Variants in DOCK2 observed in about 807,000 individuals in gnomAD.
DOCK2 encodes the protein dedicator of cytokinesis 2.
Under a neutral mutation model 248.9 loss-of-function variants are expected in DOCK2, and 87 were observed. The ratio of observed to expected loss-of-function variants is 0.35; its 90% CI spans 0.29 to 0.42. The LOEUF (loss-of-function observed/expected upper bound fraction) is 0.42, where lower values mean the gene tolerates loss of function less well. DOCK2 is among the 10% of genes least tolerant of loss of function. The pLI is 1.00. For synonymous variants in DOCK2, 805 were observed against 821.6 expected (o/e 0.98, Z 0.35); for missense variants, 1,747 against 2,300.2 (o/e 0.76, Z 4.92).
chr5:169,730,856 G>A (rs1397861916), intron 22 of DOCK2, among the ~76,000 whole-genome samples: 4 of 150,624 alleles, frequency 2.7e-5, no homozygotes, highest in East Asian at 1.9e-4. Flanking sequence ...TTAATTTTAG[G>A]TATATGATTA....
intron 50 of DOCK2, 150 bp from the exon 51 acceptor site, chr5:170,081,692 G>A (rs1758037784): frequency 5.7e-6 from 5 of 883,590 alleles, no homozygotes; most frequent in Non-Finnish European, 8.3e-6. Context: ...GGCACGGCAG[G>A]AAATAGGCAT....
Position 169,865,140 on chromosome 5 carries a change from A to T in DOCK2, c.2799+24288A>T, listed in dbSNP as rs529787591. 3.3e-5 allele frequency among the ~76,000 whole-genome samples: 5 copies of T among 152,324 alleles called. No individual in the cohort carries two copies. The East Asian group carries it at 9.6e-4, about 29-fold the overall frequency. ...AGTATTCCTCAATACAGTGTATTTA[A>T]ATATTCCTCTACTGATGGATGGACA... On this transcript the variant is annotated intron_variant, in intron 27 of 51. Transcript: ENST00000520908.
chr5:169,990,886 A>G (rs191325470), intron 29 of DOCK2, among the ~76,000 whole-genome samples: 1 of 152,236 alleles, frequency 6.6e-6, no homozygotes, highest in East Asian at 1.9e-4. Flanking sequence ...ACATGGGAGT[A>G]TTATCAGCCT....
chr5:169,912,786 G>A (rs1267644794), intron 27 of DOCK2, among the ~76,000 whole-genome samples: 1 of 152,110 alleles, frequency 6.6e-6, no homozygotes, highest in Non-Finnish European at 1.5e-5. Context: ...GGTGGCAGCA[G>A]CAGGAGCAGC....
intron 27 of DOCK2, among the ~76,000 whole-genome samples, chr5:169,942,117 G>T (rs1237399498): frequency 6.6e-6 from 1 of 152,172 alleles, no homozygotes; most frequent in African/African-American, 2.4e-5. Context: ...CTTTTCCAAG[G>T]TATCAGGAAG....
At chr5:170,006,312 G>GTGTTTT (rs1334515076) in intron 30 of DOCK2, among the ~76,000 whole-genome samples, 37 of 152,200 alleles carry the variant, frequency 2.4e-4, no homozygotes, top group African/African-American at 7.0e-4. Context: ...ATGATCTGAT[G>GTGTTTT]TGTTTTTGTT....
chr5:169,883,274 A>T (rs1440305174), intron 27 of DOCK2: 2 of 1,551,624 alleles, frequency 1.3e-6, no homozygotes, highest in Non-Finnish European at 1.7e-6. Context: ...GGACTGTGAT[A>T]AATATCATCT....
At chr5:170,065,591 G>T (rs970291672) in intron 44 of DOCK2, among the ~76,000 whole-genome samples, 5 of 152,198 alleles carry the variant, frequency 3.3e-5, no homozygotes, top group Non-Finnish European at 7.3e-5. Context: ...GTTCTACATG[G>T]CTAGGGAGGC....
chr5:169,882,599 A>G (rs1383797746), intron 27 of DOCK2: 1 of 1,551,578 alleles, frequency 6.4e-7, no homozygotes, highest in Non-Finnish European at 8.7e-7. Context: ...ATTACATTCA[A>G]AAGGACTTTA....
chr5:170,075,953 T>C lies in DOCK2; in HGVS notation c.4735T>C (p.Phe1579Leu). ...TTTACCACTTTCTCTCCAGATCCCC[T>C]TCTTGGGAGCTGGGATTAAGATCCA... ...LKDLIAWQIP[F>L]LGAGIKIHEK... is the part of the protein sequence containing the mutation. Residue 1579 changes from phenylalanine (F) to leucine (L), a missense_variant, in exon 47 of 52, where the codon TTC (phenylalanine) becomes CTC (leucine). Physicochemically the swap from Phe to Leu is conservative, Grantham distance 22 (BLOSUM62 0). Transcript: ENST00000520908. 1.9e-6 allele frequency: 3 copies of C among 1,614,098 alleles called. No homozygotes were observed. The highest frequency in any genetic ancestry group is 1.7e-5 in the Admixed American group (1 of 60,012).
chr5:170,057,735 G>T (rs936571013), intron 44 of DOCK2, 69 bp downstream of exon 44: 1 of 1,388,830 alleles, frequency 7.2e-7, no homozygotes, highest in Admixed American at 2.4e-5. Context: ...GTCTCCAAAG[G>T]CCCCTTTGAC....
chr5:169,787,713 T>C (rs1329346458), intron 25 of DOCK2, among the ~76,000 whole-genome samples: 1 of 151,830 alleles, frequency 6.6e-6, no homozygotes, highest in Non-Finnish European at 1.5e-5. Flanking sequence ...TTGCTTTTTT[T>C]TTTTTTTTGC....
chr5:169,993,616 C>T (rs947915177), intron 29 of DOCK2, among the ~76,000 whole-genome samples: 11 of 151,088 alleles, frequency 7.3e-5, no homozygotes, highest in East Asian at 1.9e-4. Flanking sequence ...CACTGTCTTC[C>T]GTGTTCAACA....
At chr5:169,650,340 C>T (rs1348485341) in intron 1 of DOCK2, among the ~76,000 whole-genome samples, 16 of 152,190 alleles carry the variant, frequency 1.1e-4, no homozygotes, top group Admixed American at 7.2e-4. Flanking sequence ...ATTTAGACTC[C>T]GAGATCTATC....
At chr5:170,078,273 G>A (rs1757908949) in intron 48 of DOCK2, among the ~76,000 whole-genome samples, 1 of 152,136 alleles carries the variant, frequency 6.6e-6, no homozygotes, top group Admixed American at 6.5e-5. Flanking sequence ...CCTCTGTCGG[G>A]GGTCTTCCCT....
intron 32 of DOCK2, among the ~76,000 whole-genome samples, chr5:170,009,354 G>A (rs542983588): frequency 1.3e-4 from 20 of 152,094 alleles, no homozygotes; most frequent in Admixed American, 5.2e-4. Flanking sequence ...CCTGTAAGAC[G>A]GAATTGTTCC....
intron 27 of DOCK2, among the ~76,000 whole-genome samples, chr5:169,855,904 A>G (rs1173518176): frequency 1.3e-5 from 2 of 152,228 alleles, no homozygotes; most frequent in African/African-American, 4.8e-5. Flanking sequence ...TAATTTACTC[A>G]CAGTTCCATG....
intron 26 of DOCK2, among the ~76,000 whole-genome samples, chr5:169,813,514 C>A (rs995347953): frequency 5.3e-5 from 8 of 152,160 alleles, no homozygotes; most frequent in Non-Finnish European, 7.3e-5. Flanking sequence ...CACACCCCTG[C>A]CAGGGACTCA....
intron 44 of DOCK2, among the ~76,000 whole-genome samples, chr5:170,063,133 G>GA (rs1270371964): frequency 1.3e-5 from 2 of 152,002 alleles, no homozygotes; most frequent in East Asian, 1.9e-4. Context: ...AAGACCACAG[G>GA]AAAAAAAAGC....
Sources: allele counts gnomAD v4.1 joint callset (sites outside exome capture counted in the v4.1 genomes callset), GRCh38; gene constraint gnomAD v4.1.1; transcripts MANE v1.5; gene names NCBI Gene and HGNC (gene_info 2026-07-23, HGNC 2026-07-21).